Variants in PNLDC1 observed in about 807,000 individuals in gnomAD.
PNLDC1 encodes the protein PARN like ribonuclease domain containing exonuclease 1.
Under a neutral mutation model 82.0 loss-of-function variants are expected in PNLDC1, and 70 were observed. The observed-to-expected ratio is 0.85, with a 90% confidence interval of 0.70 to 1.04. The LOEUF is 1.04. Among genes scored for constraint, PNLDC1 ranks in the 50% least tolerant of loss-of-function variants. PNLDC1 has a pLI of 0.00. For synonymous variants in PNLDC1, 280 were observed against 249.3 expected (o/e 1.12, Z -1.16); for missense variants, 631 against 661.1 (o/e 0.95, Z 0.50).
At chr6:159,801,689 T>A (rs965515064) in intron 3 of PNLDC1, among the ~76,000 whole-genome samples, 2 of 151,892 alleles carry the variant, frequency 1.3e-5, no homozygotes, top group African/African-American at 4.8e-5. Flanking sequence ...CGAGCAATCT[T>A]TCTGCCTCTG....
At chr6:159,813,369 T>C (rs901135268) in intron 11 of PNLDC1, among the ~76,000 whole-genome samples, 1 of 152,140 alleles carries the variant, frequency 6.6e-6, no homozygotes, top group Non-Finnish European at 1.5e-5. Context: ...ATAGTGTGTG[T>C]AGAGTTTTTT....
At chr6:159,803,679 C>A (rs533469926) in intron 4 of PNLDC1, among the ~76,000 whole-genome samples, 2 of 152,100 alleles carry the variant, frequency 1.3e-5, no homozygotes, top group South Asian at 2.1e-4. Flanking sequence ...TGCCTCCCCA[C>A]CCCCCATGAG....
chr6:159,810,935 G>A (rs1443839230), intron 10 of PNLDC1, among the ~76,000 whole-genome samples: 1 of 152,180 alleles, frequency 6.6e-6, no homozygotes, highest in Non-Finnish European at 1.5e-5. Context: ...AGCGCTGGGA[G>A]AACAAAAGCT....
At chr6:159,800,988 T>C in intron 2 of PNLDC1, 125 bp from the exon 3 acceptor site, 2 of 1,438,590 alleles carry the variant, frequency 1.4e-6, no homozygotes, top group Admixed American at 3.4e-5. Context: ...ATGATGGTAG[T>C]GCTCCCTAGT....
upstream of PNLDC1, chr6:159,800,247 GCGTGGGCAGCA>G (rs59445673): frequency 0.28 from 409,596 of 1,483,592 alleles, 59,762 homozygotes; most frequent in African/African-American, 0.51. Flanking sequence ...CGACGGAAGC[GCGTGGGCAGCA>G]CGTGGGCAGC....
At chr6:159,803,597 A>C (rs1781340198) in intron 4 of PNLDC1, among the ~76,000 whole-genome samples, 1 of 152,214 alleles carries the variant, frequency 6.6e-6, no homozygotes, top group African/African-American at 2.4e-5. Context: ...CGCCTGACAC[A>C]GTGTGGTGTA....
intron 10 of PNLDC1, among the ~76,000 whole-genome samples, chr6:159,810,943 G>C (rs1263346507): frequency 6.6e-6 from 1 of 152,180 alleles, no homozygotes; most frequent in African/African-American, 2.4e-5. Context: ...GAGAACAAAA[G>C]CTGTGCAAGA....
Position 159,808,932 on chromosome 6 carries a change from C to T in PNLDC1, c.640-83C>T, listed in dbSNP as rs954463969. On this transcript the variant is annotated intron_variant, in intron 8 of 18. Transcript: ENST00000392167. The stretch of plus-strand genomic sequence containing the variant: ...CACGCTGCTAGTTTTTCCCCCTTTC[C>T]TTTTGTTTAGAGATGCAGAGCCATT... 5 of 1,590,184 alleles carry T rather than the reference C, an allele frequency of 3.1e-6. No homozygotes were observed. In the African/African-American group the frequency reaches 6.8e-5, roughly 22 times the overall value.
chr6:159,806,874 G>C (rs1257898295), intron 7 of PNLDC1, among the ~76,000 whole-genome samples: 1 of 148,766 alleles, frequency 6.7e-6, no homozygotes, highest in Non-Finnish European at 1.5e-5. Context: ...TCTTTTGAGA[G>C]CTGAATTAGC....
Position 159,813,623 on chromosome 6 carries a change from C to T in PNLDC1, c.962C>T (p.Ser321Leu), listed in dbSNP as rs763815098. ...IWKEMNFPRV[S>L]NLSEVYEVLN... The stretch of plus-strand genomic sequence containing the variant: ...TAGGAGATGAATTTCCCGAGGGTGT[C>T]GAATCTTTCGGAAGTCTATGAAGTC... Residue 321 changes from serine (S) to leucine (L), a missense_variant, in exon 12 of 19, where the codon TCG (serine) becomes TTG (leucine). Ser to Leu is a moderately radical substitution (Grantham distance 145). Coordinates refer to ENST00000392167, the MANE Select transcript of PNLDC1 (RefSeq NM_001271862.2). The T allele has an allele frequency of 6.8e-6, 11 of 1,613,502 alleles. No homozygotes were observed. Among genetic ancestry groups the T allele is most frequent in the South Asian group, 1.1e-5 (1 of 91,056 alleles).
intron 11 of PNLDC1, among the ~76,000 whole-genome samples, chr6:159,813,111 T>C (rs1286475842): frequency 6.6e-6 from 1 of 152,208 alleles, no homozygotes; most frequent in Non-Finnish European, 1.5e-5. Context: ...TACAAGTGAA[T>C]TATCCAGCAA....
At chr6:159,800,518 C>T (rs1781202784) in intron 1 of PNLDC1, 135 bp downstream of exon 1, 4 of 1,307,118 alleles carry the variant, frequency 3.1e-6, no homozygotes, top group Admixed American at 2.4e-5. Context: ...GGGCTTCCTT[C>T]TCCAGCCCCG....
Position 159,800,778 on chromosome 6 carries a change from A to T in PNLDC1, c.83A>T (p.Asp28Val). 6.2e-7 allele frequency: 1 copy of T among 1,614,104 alleles called. No individual in the cohort carries two copies. Among genetic ancestry groups the T allele is most frequent in the Non-Finnish European group, 8.5e-7 (1 of 1,180,016 alleles). ...TTTTTTGCCTTCCTGGCAGGTCTGG[A>T]CATAGAGTTCACGGGCCTTCGTTCT... is the stretch of plus-strand genomic sequence containing the variant. ...LVQEADFVGL[D>V]IEFTGLRSNL... The change falls in exon 2 of 19, where the codon GAC (aspartate) becomes GTC (valine). Residue 28 changes from aspartate to valine, a missense_variant. Asp to Val is a radical substitution (Grantham distance 152). Coordinates refer to ENST00000392167, the MANE Select transcript of PNLDC1 (RefSeq NM_001271862.2).
At chr6:159,813,524 A>G in intron 11 of PNLDC1, 77 bp from the exon 12 acceptor site, 2 of 1,305,794 alleles carry the variant, frequency 1.5e-6, no homozygotes, top group Non-Finnish European at 2.2e-6. Context: ...CATTTTAATG[A>G]CCATTTGGTA....
At chr6:159,816,628 C>CA in intron 14 of PNLDC1, 32 bp downstream of exon 14, 1 of 1,465,518 alleles carries the variant, frequency 6.8e-7, no homozygotes, top group Non-Finnish European at 9.2e-7. Context: ...AAAGGAAACT[C>CA]ACTTTTTTTT....
intron 3 of PNLDC1, among the ~76,000 whole-genome samples, chr6:159,802,603 CAG>C (rs1254974359): frequency 6.6e-6 from 1 of 151,020 alleles, no homozygotes; most frequent in Admixed American, 6.6e-5. Flanking sequence ...GGAAGGGGGA[CAG>C]AGTCTTGCTC....
intron 12 of PNLDC1, 94 bp from the exon 13 acceptor site, chr6:159,815,875 A>T: frequency 4.0e-6 from 4 of 990,052 alleles, no homozygotes; most frequent in Non-Finnish European, 6.1e-6. Flanking sequence ...CAGTACATTT[A>T]AAAAATTTAT....
chr6:159,806,581 G>A (rs969910065), intron 7 of PNLDC1, among the ~76,000 whole-genome samples: 4 of 152,152 alleles, frequency 2.6e-5, no homozygotes, highest in South Asian at 2.1e-4. Flanking sequence ...GTGCCCAAGC[G>A]ATGTCGGACA....
intron 1 of PNLDC1, 45 bp from the exon 2 acceptor site, chr6:159,800,727 C>T (rs779595258): frequency 1.2e-6 from 2 of 1,614,146 alleles, no homozygotes; most frequent in African/African-American, 1.3e-5. Flanking sequence ...GGAGTGCTGG[C>T]GATGTTCTGC....
Sources: gnomAD v4.1 joint callset for allele counts (sites outside exome capture counted in the v4.1 genomes callset) on GRCh38, gnomAD v4.1.1 for gene constraint, MANE v1.5 for transcripts, NCBI Gene and HGNC (gene_info 2026-07-23, HGNC 2026-07-21) for gene names.